Variants in NSD2 observed in about 807,000 individuals in gnomAD.
NSD2 encodes histone-lysine N-methyltransferase NSD2.
NSD2 carries 12 observed loss-of-function variants against 139.0 expected under a neutral mutation model. The observed-to-expected ratio is 0.09, with a 90% CI of 0.06 to 0.14. The LOEUF is 0.14. Ranked by LOEUF, NSD2 falls within the 10% of genes least tolerant of loss-of-function variation. NSD2 has a pLI of 1.00. For synonymous variants in NSD2, 669 were observed against 648.7 expected, an observed-to-expected ratio of 1.03 and a Z score of -0.48; for missense variants, 1,155 against 1,745.0, an observed-to-expected ratio of 0.66 and a Z score of 6.02.
At chr4:1,967,066 C>T (rs1725964398) in intron 18 of NSD2, among the ~76,000 whole-genome samples, 1 of 152,034 alleles carries the variant, frequency 6.6e-6, no homozygotes, top group African/African-American at 2.4e-5. Flanking sequence ...ACTCACATAA[C>T]TAAAATCAGA....
In NSD2 at chr4:1,980,122, G is replaced by A. The variant is rs1335861240; in HGVS notation, c.*1213G>A. The A allele has an allele frequency of 8.6e-6, 2 of 233,344 alleles. No homozygotes were observed. Among genetic ancestry groups the A allele is most frequent in the Non-Finnish European group, 1.7e-5 (2 of 118,140 alleles). The allele number at this position is 233,344 out of a possible 1,614,324, so 14.5% of individuals were successfully genotyped here. On this transcript the variant is annotated 3_prime_UTR_variant, in exon 22 of 22. Coordinates refer to ENST00000508803, the MANE Select transcript of NSD2 (RefSeq NM_001042424.3). ...GGGGGTGGAGGCCTGCCTGGCAGGT[G>A]TGCGTGCCTCGTACGTGTGTTATGG... is the stretch of plus-strand genomic sequence containing the variant.
chr4:1,974,644 T>G lies in NSD2; in HGVS notation c.3373-219T>G. ...CTGTCCTGTCCTCCCCGGCGCTCAC[T>G]AAGGCTCGGTCCTCTCCACGTGGTC... On this transcript the variant is annotated intron_variant, in intron 18 of 21. Coordinates refer to ENST00000508803, the MANE Select transcript of NSD2 (RefSeq NM_001042424.3). The surrounding 1 kb of genome is among the most constrained non-coding windows in gnomAD (Gnocchi z 4.0). The G allele has an allele frequency of 1.4e-6, 1 of 740,686 alleles. No homozygotes were observed. Among genetic ancestry groups the G allele is most frequent in the Non-Finnish European group, 2.4e-6 (1 of 409,344 alleles). 45.9% of individuals were successfully genotyped at this position (740,686 alleles called of 1,614,324 possible). A position where few individuals can be genotyped will look rare whatever the true frequency, so the allele number is the denominator to read the frequency against.
chr4:1,971,148 C>G (rs1577573566), intron 18 of NSD2, among the ~76,000 whole-genome samples: 1 of 152,236 alleles, frequency 6.6e-6, no homozygotes, highest in South Asian at 2.1e-4. Context: ...TGCTTGAGCT[C>G]TGGAGTTCGA....
rs1205674524 is a variant in NSD2 at position 1,955,870 on chromosome 4, T to C, written c.2675+21T>C. The C allele has an allele frequency of 4.3e-6, 7 of 1,611,746 alleles. No individual in the cohort carries two copies. In the East Asian group the frequency reaches 1.6e-4, roughly 36 times the overall value. On this transcript the variant is annotated intron_variant, in intron 14 of 21. Coordinates refer to ENST00000508803, the MANE Select transcript of NSD2 (RefSeq NM_001042424.3). The surrounding 1 kb of genome is among the most constrained non-coding windows in gnomAD (Gnocchi z 4.7). ...TACAGGTGTGAGACATAGAATCGTA[T>C]GCTTTTATGTCTTTTCTGTTCACAT...
intron 3 of NSD2, among the ~76,000 whole-genome samples, chr4:1,914,797 T>A (rs570878239): frequency 2.6e-5 from 4 of 152,358 alleles, no homozygotes; most frequent in African/African-American, 9.6e-5. Flanking sequence ...CATACCTTGC[T>A]ATTCTATTTC....
At chr4:1,917,379 A>C (rs1719534442) in intron 4 of NSD2, among the ~76,000 whole-genome samples, 1 of 152,238 alleles carries the variant, frequency 6.6e-6, no homozygotes, top group African/African-American at 2.4e-5. Context: ...GAAACAATAA[A>C]GGTATTATGT....
At chr4:1,890,818 G>A (rs376542410) in intron 1 of NSD2, among the ~76,000 whole-genome samples, 36 of 151,612 alleles carry the variant, frequency 2.4e-4, no homozygotes, top group African/African-American at 7.3e-4. Context: ...GGCTGGTCTC[G>A]AACTCCTGAC....
In NSD2 at chr4:1,948,846, T is replaced by A. The variant is rs1419531222; in HGVS notation, c.1882-2226T>A. The A allele has an allele frequency of 4.0e-6, 4 of 995,682 alleles. No individual in the cohort carries two copies. In the Admixed American group the frequency reaches 2.3e-4, roughly 58 times the overall value. 61.7% of individuals were successfully genotyped at this position (995,682 alleles called of 1,614,324 possible). ...CCAGGACTGCTTTGTGTTTTCTGTC[T>A]TTCTCTCCATGCATTTTTTTTCTCA... On this transcript the variant is annotated intron_variant, in intron 9 of 21. Transcript: ENST00000508803. The surrounding 1 kb of genome is among the most constrained non-coding windows in gnomAD (Gnocchi z 4.5).
chr4:1,914,625 C>T (rs1560628952), intron 3 of NSD2, among the ~76,000 whole-genome samples: 1 of 152,070 alleles, frequency 6.6e-6, no homozygotes, highest in Non-Finnish European at 1.5e-5. Flanking sequence ...TGTGCCTGGC[C>T]CAGAGTATGC....
chr4:1,958,651 T>G lies in NSD2; in HGVS notation c.2985+615T>G, dbSNP rs571304238. Among the ~76,000 whole-genome samples, 2 of 152,378 alleles carry G rather than the reference T, an allele frequency of 1.3e-5. No individual in the cohort carries two copies. Among genetic ancestry groups the G allele is most frequent in the East Asian group, 3.9e-4 (2 of 5,188 alleles). On this transcript the variant is annotated intron_variant, in intron 16 of 21. Transcript: ENST00000508803. This position sits in a 1 kb window ranked among gnomAD's most constrained non-coding sequence, Gnocchi z 4.6. The stretch of plus-strand genomic sequence containing the variant: ...TAAGTGTGTGCCGGAGGTCAGGTGC[T>G]CTGCCTTTGCTTGTAAAATGTGGGC...
At chr4:1,933,206 C>G (rs539755510) in intron 6 of NSD2, among the ~76,000 whole-genome samples, 47 of 152,338 alleles carry the variant, frequency 3.1e-4, no homozygotes, top group African/African-American at 1.0e-3. Context: ...GGGCTCAGGC[C>G]TAGACCTGAG....
At chr4:1,936,728 A>G (rs1301827345) in intron 7 of NSD2, among the ~76,000 whole-genome samples, 1 of 152,132 alleles carries the variant, frequency 6.6e-6, no homozygotes, top group Non-Finnish European at 1.5e-5. Context: ...ATTTTGAGTA[A>G]AGCTTCATCC....
chr4:1,973,803 T>C lies in NSD2; in HGVS notation c.3373-1060T>C, dbSNP rs142882250. ...CCCTGTTCACACACGTGGTTTTGTT[T>C]GAACACGTGACTGTTACGCTTTATG... On this transcript the variant is annotated intron_variant, in intron 18 of 21. Coordinates refer to ENST00000508803, the MANE Select transcript of NSD2 (RefSeq NM_001042424.3). The surrounding 1 kb of genome is among the most constrained non-coding windows in gnomAD (Gnocchi z 5.5). Among the ~76,000 whole-genome samples the C allele has an allele frequency of 4.8e-3, 733 of 152,360 alleles. 6 individuals are homozygous for C. Among genetic ancestry groups the C allele is most frequent in the African/African-American group, 0.017 (712 of 41,592 alleles).
chr4:1,953,625 A>T, intron 12 of NSD2, 101 bp downstream of exon 12: 1 of 1,407,370 alleles, frequency 7.1e-7, no homozygotes, highest in Non-Finnish European at 9.5e-7. Context: ...GTCACCAAAG[A>T]GCATTAATTA....
Position 1,901,057 on chromosome 4 carries a change from G to A in NSD2, c.403G>A (p.Gly135Arg), listed in dbSNP as rs765090322. The A allele has an allele frequency of 6.2e-7, 1 of 1,614,176 alleles. No individual in the cohort carries two copies. Among genetic ancestry groups the A allele is most frequent in the Non-Finnish European group, 8.5e-7 (1 of 1,180,028 alleles). Reference sequence around the variant, plus strand: ...GAAAATCACCAAAACATACATGAATGGGAAGCCTCTCTTTGAATCTTCCAT... The same window carrying A: ...GAAAATCACCAAAACATACATGAATAGGAAGCCTCTCTTTGAATCTTCCAT... ...KLKITKTYMN[G>R]KPLFESSICG... The change falls in exon 2 of 22, where the codon GGG becomes AGG. Residue 135 changes from glycine to arginine, a missense_variant. Physicochemically the swap from Gly to Arg is moderately radical, Grantham distance 125. Transcript: ENST00000508803.
At chr4:1,940,838 G>A in intron 9 of NSD2, 1 of 1,057,234 alleles carries the variant, frequency 9.5e-7, no homozygotes, top group South Asian at 4.6e-5. Context: ...GTGCAGGAAG[G>A]TCAGGGACCT....
chr4:1,929,066 G>A (rs1034715858), intron 5 of NSD2, among the ~76,000 whole-genome samples: 38 of 152,234 alleles, frequency 2.5e-4, no homozygotes, highest in African/African-American at 8.2e-4. Flanking sequence ...CTCAAGGTGG[G>A]AGGTCCCAGG....
chr4:1,875,755 A>G (rs1714206656), intron 1 of NSD2, among the ~76,000 whole-genome samples: 1 of 150,608 alleles, frequency 6.6e-6, no homozygotes, highest in African/African-American at 2.4e-5. Context: ...AAAAAATACA[A>G]AAAATTAGCT....
At chr4:1,890,280 G>A (rs1031867172) in intron 1 of NSD2, among the ~76,000 whole-genome samples, 1 of 151,688 alleles carries the variant, frequency 6.6e-6, no homozygotes, top group South Asian at 2.1e-4. Context: ...TCTTGTACAA[G>A]TTTTTTTTGT....
Sources: gnomAD v4.1 joint callset for allele counts (sites outside exome capture counted in the v4.1 genomes callset) on GRCh38, gnomAD v4.1.1 for gene constraint, Gnocchi (gnomAD v3.1) non-coding constraint, MANE v1.5 for transcripts, NCBI Gene and HGNC (gene_info 2026-07-23, HGNC 2026-07-21) for gene names.